RAB11FIP2: variants seen among roughly 807,000 people sequenced by gnomAD.
RAB11FIP2 encodes the protein rab11 family-interacting protein 2.
A neutral mutation model predicts 40.9 loss-of-function variants in RAB11FIP2; 16 were observed. The ratio of observed to expected loss-of-function variants is 0.39; its 90% confidence interval spans 0.26 to 0.59. The LOEUF (loss-of-function observed/expected upper bound fraction) is 0.59. RAB11FIP2 is among the 20% of genes least tolerant of loss of function. The probability of loss-of-function intolerance (pLI) is 0.53; values close to 1 mark genes in which losing one functional copy is unlikely to be tolerated. For synonymous variants in RAB11FIP2, 228 were observed against 213.7 expected (o/e 1.07, Z -0.58); for missense variants, 532 against 606.2 (o/e 0.88, Z 1.28).
intron 3 of RAB11FIP2, chr10:118,033,852 TAATA>T: frequency 1.6e-6 from 1 of 642,690 alleles, no homozygotes; most frequent in Non-Finnish European, 2.8e-6. Context: ...CTAAGTGCTC[TAATA>T]AATATATATA....
intron 3 of RAB11FIP2, among the ~76,000 whole-genome samples, chr10:118,024,815 T>C (rs1846323973): frequency 6.6e-6 from 1 of 152,052 alleles, no homozygotes; most frequent in Non-Finnish European, 1.5e-5. Context: ...ATGACAAAGC[T>C]ATGTTTTGGA....
intron 3 of RAB11FIP2, among the ~76,000 whole-genome samples, chr10:118,017,181 T>G (rs1335830491): frequency 6.6e-6 from 1 of 152,214 alleles, no homozygotes; most frequent in Admixed American, 6.5e-5. Flanking sequence ...GGCTCTAGAC[T>G]GCGTCCTCCT....
At chr10:118,039,736 CAG>C (rs1264013915) in intron 2 of RAB11FIP2, 9 of 372,360 alleles carry the variant, frequency 2.4e-5, no homozygotes, top group Non-Finnish European at 2.9e-5. Context: ...TAAAAATTCT[CAG>C]AGACTTTTTC....
chr10:118,040,578 A>G lies in RAB11FIP2; in HGVS notation c.354-13T>C, dbSNP rs754432220. On this transcript the variant is annotated splice_polypyrimidine_tract_variant and intron_variant, in intron 1 of 4. Transcript: ENST00000355624. ...TAATCTAAACCACCTTAAAGAGAAGAAAAAAAAATTGGCTGTAACACATAA... is the reference window on the plus strand; with the variant it reads ...TAATCTAAACCACCTTAAAGAGAAGGAAAAAAAATTGGCTGTAACACATAA... 3.3e-6 allele frequency: 5 copies of G among 1,535,364 alleles called. No individual in the cohort carries two copies. The South Asian group carries it at 3.7e-5, about 11-fold the overall frequency.
At chr10:118,012,662 A>G (rs1045450387) in intron 4 of RAB11FIP2, among the ~76,000 whole-genome samples, 1 of 152,012 alleles carries the variant, frequency 6.6e-6, no homozygotes, top group Non-Finnish European at 1.5e-5. Flanking sequence ...TCAGGTAAAT[A>G]TAAAAATTAT....
chr10:118,045,636 A>G, intron 1 of RAB11FIP2, 175 bp downstream of exon 1: 1 of 567,506 alleles, frequency 1.8e-6, no homozygotes, highest in Non-Finnish European at 3.1e-6. Context: ...CATTTAAAAA[A>G]TATTTCATCA....
chr10:118,040,217 G>T lies in RAB11FIP2; in HGVS notation c.702C>A (p.Ser234=), dbSNP rs1372867382. ...CCTTCAGTTTCTCAGAAGACATATG[G>T]GACCCAGATAAATCAGACATTGAAT... ...SAHSMSDLSG[S]HMSSEKLKAG... is the part of the protein sequence containing the mutation. Residue 234 remains serine, a synonymous_variant, in exon 2 of 5, where the codon TCC becomes TCA. Transcript: ENST00000355624. 1 of 1,613,766 alleles carries T rather than the reference G, an allele frequency of 6.2e-7. No individual in the cohort carries two copies. Among genetic ancestry groups the T allele is most frequent in the Non-Finnish European group, 8.5e-7 (1 of 1,179,762 alleles).
At chr10:118,043,056 TG>T in intron 1 of RAB11FIP2, among the ~76,000 whole-genome samples, 1 of 152,284 alleles carries the variant, frequency 6.6e-6, no homozygotes, top group Middle Eastern at 3.4e-3. Context: ...TTTTCACCTC[TG>T]GAGTACTGGA....
chr10:118,036,422 T>C (rs1174601975), intron 3 of RAB11FIP2, among the ~76,000 whole-genome samples: 2 of 152,106 alleles, frequency 1.3e-5, no homozygotes, highest in Admixed American at 6.6e-5. Context: ...AAATTTAAAA[T>C]GTCCCAGATA....
intron 3 of RAB11FIP2, among the ~76,000 whole-genome samples, chr10:118,025,464 C>T (rs1008647960): frequency 2.6e-5 from 4 of 152,046 alleles, no homozygotes; most frequent in East Asian, 1.9e-4. Flanking sequence ...AGTTTTTGTT[C>T]GGAATCTAAA....
At chr10:118,040,587 TTGGCTGTAACACA>T (rs776814681) in intron 1 of RAB11FIP2, 22 bp from the exon 2 acceptor site, 13 of 1,506,450 alleles carry the variant, frequency 8.6e-6, no homozygotes, top group Non-Finnish European at 1.2e-5. Flanking sequence ...GAAAAAAAAA[TTGGCTGTAACACA>T]TAATAGAGAG....
rs1846078186 is a variant in RAB11FIP2, at chr10:118,005,026, TTACA to T, written c.*3968_*3971del. 2 of 152,670 alleles carry T rather than the reference TTACA, an allele frequency of 1.3e-5. No individual in the cohort carries two copies. The highest frequency in any genetic ancestry group is 4.8e-5 in the African/African-American group (2 of 41,464). 9.5% of individuals were successfully genotyped at this position (152,670 alleles called of 1,614,324 possible). A position where few individuals can be genotyped will look rare whatever the true frequency, so the allele number is the denominator to read the frequency against. ...ATACAATTGTCACATTATACAATGC[TTACA>T]TACTTTTGAATTTGTACCTGCAAAA... On this transcript the variant is annotated 3_prime_UTR_variant, in exon 5 of 5. Transcript: ENST00000355624.
intron 3 of RAB11FIP2, among the ~76,000 whole-genome samples, chr10:118,033,222 G>A (rs1158837348): frequency 6.6e-6 from 1 of 151,948 alleles, no homozygotes; most frequent in African/African-American, 2.4e-5. Context: ...GATAGTCAAT[G>A]GGAAGTTATT....
rs934633481 is a variant in RAB11FIP2 at position 118,034,265 on chromosome 10, T to A, written c.1265+4707A>T. Among the ~76,000 whole-genome samples the A allele has an allele frequency of 2.0e-5, 3 of 151,730 alleles. No homozygotes were observed. The East Asian group carries it at 5.8e-4, about 29-fold the overall frequency. Reference sequence around the variant, plus strand: ...GCAAAACGGAGGATTGTGTTAAGAGTGTTAAGAGGACATTCCATGGGCCAG... The same window carrying A: ...GCAAAACGGAGGATTGTGTTAAGAGAGTTAAGAGGACATTCCATGGGCCAG... On this transcript the variant is annotated intron_variant, in intron 3 of 4. Coordinates refer to ENST00000355624, the MANE Select transcript of RAB11FIP2 (RefSeq NM_014904.3).
intron 3 of RAB11FIP2, among the ~76,000 whole-genome samples, chr10:118,036,347 G>T (rs1846481091): frequency 6.6e-6 from 1 of 152,026 alleles, no homozygotes; most frequent in South Asian, 2.1e-4. Context: ...AAAATTCACA[G>T]CACGTGTCTT....
At chr10:118,012,947 G>A (rs549951369) in intron 4 of RAB11FIP2, among the ~76,000 whole-genome samples, 6 of 152,012 alleles carry the variant, frequency 3.9e-5, no homozygotes, top group African/African-American at 1.2e-4. Flanking sequence ...ATGTGGACTG[G>A]TAAGAAAATA....
At chr10:118,037,479 G>C (rs2133180438) in intron 3 of RAB11FIP2, among the ~76,000 whole-genome samples, 1 of 152,218 alleles carries the variant, frequency 6.6e-6, no homozygotes, top group South Asian at 2.1e-4. Flanking sequence ...GCTGTTTCTA[G>C]TGGGACAAAA....
chr10:118,012,221 AT>A (rs940505800), intron 4 of RAB11FIP2, among the ~76,000 whole-genome samples: 7 of 149,818 alleles, frequency 4.7e-5, no homozygotes, highest in South Asian at 2.1e-4. Flanking sequence ...TATTTGGATT[AT>A]TTTTTTTTTC....
intron 3 of RAB11FIP2, among the ~76,000 whole-genome samples, chr10:118,021,755 C>T (rs957748915): frequency 2.6e-5 from 4 of 152,208 alleles, no homozygotes; most frequent in African/African-American, 9.6e-5. Context: ...ACTCACTCTT[C>T]CTGCTATCTG....
Sources: gnomAD v4.1 joint callset for allele counts (sites outside exome capture counted in the v4.1 genomes callset) on GRCh38, gnomAD v4.1.1 for gene constraint, MANE v1.5 for transcripts, NCBI Gene and HGNC (gene_info 2026-07-23, HGNC 2026-07-21) for gene names.